CADM2: variants seen among roughly 807,000 people sequenced by gnomAD.
The protein encoded by CADM2 is immunoglobulin superfamily member 4D.
CADM2 carries 12 observed loss-of-function variants against 49.8 expected under a neutral mutation model. The ratio of observed to expected loss-of-function variants is 0.24; its 90% confidence interval spans 0.15 to 0.39. CADM2 has a LOEUF of 0.39. Ranked by LOEUF, CADM2 falls within the 10% of genes least tolerant of loss-of-function variation. The pLI is 1.00. For missense variants in CADM2, 378 were observed against 492.3 expected (o/e 0.77, Z 2.20); for synonymous variants, 214 against 175.4 (o/e 1.22, Z -1.74).
At chr3:85,482,038 A>G (rs191795548) in intron 1 of CADM2, among the ~76,000 whole-genome samples, 1 of 151,938 alleles carries the variant, frequency 6.6e-6, no homozygotes, top group African/African-American at 2.4e-5. Context: ...AGAAGTGTTC[A>G]TAAGAATTTG....
chr3:85,492,511 G>T (rs1335570830), intron 1 of CADM2, among the ~76,000 whole-genome samples: 1 of 151,990 alleles, frequency 6.6e-6, no homozygotes, highest in African/African-American at 2.4e-5. Context: ...AGAATGGCTT[G>T]AACCCAGGAG....
At chr3:85,125,188 C>T (rs1257934905) in intron 1 of CADM2, among the ~76,000 whole-genome samples, 1 of 152,080 alleles carries the variant, frequency 6.6e-6, no homozygotes, top group Non-Finnish European at 1.5e-5. Context: ...CAAAGCTGCT[C>T]AAGTGTAACC....
At chr3:85,688,991 C>A (rs773494293) in intron 1 of CADM2, among the ~76,000 whole-genome samples, 2 of 152,158 alleles carry the variant, frequency 1.3e-5, no homozygotes, top group Non-Finnish European at 2.9e-5. Flanking sequence ...TGTGAATGTT[C>A]ATAGCACCTT....
At chr3:85,807,515 A>G (rs2072518923) in intron 3 of CADM2, among the ~76,000 whole-genome samples, 1 of 151,760 alleles carries the variant, frequency 6.6e-6, no homozygotes, top group South Asian at 2.1e-4. Context: ...AAAAAAAAAA[A>G]AAAGACAAAA....
At chr3:85,127,270 A>G (rs750289119) in intron 1 of CADM2, among the ~76,000 whole-genome samples, 13 of 152,336 alleles carry the variant, frequency 8.5e-5, no homozygotes, top group East Asian at 3.9e-4. Context: ...CTGTGCTTCA[A>G]TGGAATAATA....
At chr3:85,770,012 A>T (rs1396071777) in intron 2 of CADM2, among the ~76,000 whole-genome samples, 1 of 152,024 alleles carries the variant, frequency 6.6e-6, no homozygotes, top group African/African-American at 2.4e-5. Context: ...AAAAAACAGC[A>T]TTTCTTCAGC....
chr3:85,229,737 G>A (rs1269043481), intron 1 of CADM2, among the ~76,000 whole-genome samples: 2 of 152,168 alleles, frequency 1.3e-5, no homozygotes, highest in Admixed American at 6.6e-5. Flanking sequence ...AGATACCCTA[G>A]CAAAAGTATT....
intron 1 of CADM2, among the ~76,000 whole-genome samples, chr3:85,644,895 G>T (rs968805973): frequency 2.0e-5 from 3 of 152,048 alleles, no homozygotes; most frequent in African/African-American, 7.2e-5. Context: ...AAAGTCAGGA[G>T]GTTCAAAATG....
At position 85,961,639 on chromosome 3, in the gene CADM2, T is replaced by C. The variant is rs200642859; in HGVS notation, c.962T>C (p.Ile321Thr). ...CAAAGCAGTGCGGAATATGTTCTCA[T>C]TGTGCATGGTGAGTAAATTTTGGAA... Reference protein sequence around the residue: ...IGQSSAEYVLIVHDPNALAGQ... With the variant: ...IGQSSAEYVLTVHDPNALAGQ... Residue 321 changes from isoleucine to threonine, a missense_variant, in exon 8 of 10, where the codon ATT (isoleucine) becomes ACT (threonine). By Grantham distance (89) the Ile-to-Thr change is moderately conservative. Coordinates refer to ENST00000383699, the MANE Select transcript of CADM2 (RefSeq NM_001167675.2). The C allele has an allele frequency of 4.5e-6, 7 of 1,552,208 alleles. No homozygotes were observed. The highest frequency in any genetic ancestry group is 1.2e-5 in the South Asian group (1 of 82,820).
Position 85,602,166 on chromosome 3 carries a change from G to A in CADM2, c.62-124356G>A, listed in dbSNP as rs562797122. 9.2e-5 allele frequency among the ~76,000 whole-genome samples: 14 copies of A among 151,842 alleles called. No homozygotes were observed. In the South Asian group the frequency reaches 2.9e-3, roughly 31 times the overall value. On this transcript the variant is annotated intron_variant, in intron 1 of 9. Coordinates refer to ENST00000383699, the MANE Select transcript of CADM2 (RefSeq NM_001167675.2). ...AAGGTAAATTTGTTTAAGAGTGTAC[G>A]GTTGAAGCTTTAAATAAAATGAGGT...
intron 1 of CADM2, among the ~76,000 whole-genome samples, chr3:85,226,017 G>A (rs2042152624): frequency 6.6e-6 from 1 of 152,114 alleles, no homozygotes; most frequent in Non-Finnish European, 1.5e-5. Context: ...ATTTTACTGA[G>A]GATTTTCACA....
intron 1 of CADM2, among the ~76,000 whole-genome samples, chr3:85,051,410 A>T (rs1310311861): frequency 2.0e-5 from 3 of 152,198 alleles, no homozygotes; most frequent in African/African-American, 7.2e-5. Flanking sequence ...GGATATATAC[A>T]TATAGGTACT....
At chr3:85,821,795 A>G in intron 3 of CADM2, among the ~76,000 whole-genome samples, 1 of 152,214 alleles carries the variant, frequency 6.6e-6, no homozygotes, top group Admixed American at 6.5e-5. Flanking sequence ...TGTAATGTAC[A>G]ATAAAATGAA....
At chr3:86,040,160 C>G (rs1243272381) in intron 8 of CADM2, among the ~76,000 whole-genome samples, 1 of 152,116 alleles carries the variant, frequency 6.6e-6, no homozygotes, top group African/African-American at 2.4e-5. Flanking sequence ...ACTGGAAACT[C>G]TAAAAATCAG....
At chr3:85,085,620 CTTAG>C (rs779742743) in intron 1 of CADM2, among the ~76,000 whole-genome samples, 14 of 152,080 alleles carry the variant, frequency 9.2e-5, no homozygotes, top group African/African-American at 1.7e-4. Context: ...CATATCACTT[CTTAG>C]TTAGTTTTTC....
intron 1 of CADM2, among the ~76,000 whole-genome samples, chr3:85,358,124 G>A (rs946874474): frequency 6.6e-6 from 1 of 152,052 alleles, no homozygotes; most frequent in African/African-American, 2.4e-5. Context: ...ATAATGTTGT[G>A]TAATGAATAC....
intron 1 of CADM2, among the ~76,000 whole-genome samples, chr3:85,410,255 T>C (rs1392595090): frequency 6.6e-6 from 1 of 152,210 alleles, no homozygotes; most frequent in Non-Finnish European, 1.5e-5. Flanking sequence ...TTGTGAATTT[T>C]AATTCTTATT....
chr3:85,000,882 G>A (rs970267323), intron 1 of CADM2, among the ~76,000 whole-genome samples: 2 of 152,016 alleles, frequency 1.3e-5, no homozygotes, highest in Non-Finnish European at 2.9e-5. Context: ...CCACTCTGGT[G>A]ACATTATCAA....
chr3:85,930,052 T>C (rs1184667369), intron 6 of CADM2, among the ~76,000 whole-genome samples: 2 of 152,188 alleles, frequency 1.3e-5, no homozygotes, highest in South Asian at 2.1e-4. Flanking sequence ...ATTACTAAAA[T>C]GGCATGTTTA....
Sources: gnomAD v4.1 joint callset for allele counts (sites outside exome capture counted in the v4.1 genomes callset) on GRCh38, gnomAD v4.1.1 for gene constraint, MANE v1.5 for transcripts, NCBI Gene and HGNC (gene_info 2026-07-23, HGNC 2026-07-21) for gene names.